Variants in FABP12 observed in about 807,000 individuals in gnomAD.
FABP12 encodes fatty acid-binding protein 12.
FABP12 carries 19 observed loss-of-function variants against 13.7 expected under a neutral mutation model. The ratio of observed to expected loss-of-function variants is 1.39; its 90% CI spans 0.97 to 2.04. FABP12 has a LOEUF of 2.04. FABP12 is among the 30% of genes most tolerant of loss of function. The pLI is 0.00. For synonymous variants in FABP12, 61 were observed against 57.0 expected (o/e 1.07, Z -0.32); for missense variants, 182 against 164.2 (o/e 1.11, Z -0.59).
intron 1 of FABP12, among the ~76,000 whole-genome samples, chr8:81,576,452 G>A (rs1233623670): frequency 6.6e-6 from 1 of 151,696 alleles, no homozygotes; most frequent in Non-Finnish European, 1.5e-5. Flanking sequence ...AAATTTCGAG[G>A]GCCTTGAGTA....
At chr8:81,525,885 C>A (rs143701551) in intron 4 of FABP12, 169 of 152,222 alleles carry the variant, frequency 1.1e-3, no homozygotes, top group African/African-American at 3.7e-3. Context: ...TCTCAGAAAA[C>A]CTTTGGCAAA....
chr8:81,547,989 A>G (rs1486463349), intron 1 of FABP12, among the ~76,000 whole-genome samples: 2 of 152,206 alleles, frequency 1.3e-5, no homozygotes, highest in Non-Finnish European at 2.9e-5. Flanking sequence ...TCAATCAAAT[A>G]TTTGACCTAC....
chr8:81,589,716 A>G (rs1559950), intron 1 of FABP12, among the ~76,000 whole-genome samples: 144,902 of 152,254 alleles, frequency 0.95, 69,003 homozygotes, highest in East Asian at 1. Context: ...GGAGCAAAGC[A>G]TCTCTCTCTC....
In FABP12 at chr8:81,540,754, T is replaced by C. The variant is rs183323796; in HGVS notation, c.-184-1011A>G. Among the ~76,000 whole-genome samples the C allele has an allele frequency of 4.7e-4, 72 of 152,326 alleles. 2 individuals are homozygous for C. The highest frequency in any genetic ancestry group is 3.7e-3 in the South Asian group (18 of 4,832). On this transcript the variant is annotated intron_variant, in intron 1 of 5. Transcript: ENST00000692030. ...CTAGTATTGTAGCAATGTTCATTTA[T>C]TGGTTTTGAAAAATATACACGTTAG...
chr8:81,580,586 A>C (rs1810141146), intron 1 of FABP12, among the ~76,000 whole-genome samples: 1 of 152,166 alleles, frequency 6.6e-6, no homozygotes, highest in Admixed American at 6.5e-5. Context: ...AAGAACTAGC[A>C]TCTAGTCTTC....
At chr8:81,581,419 A>T (rs1212364832) in intron 1 of FABP12, among the ~76,000 whole-genome samples, 1 of 152,184 alleles carries the variant, frequency 6.6e-6, no homozygotes, top group Non-Finnish European at 1.5e-5. Flanking sequence ...TCCTGGGGGG[A>T]TAAAGCTCAG....
intron 1 of FABP12, among the ~76,000 whole-genome samples, chr8:81,551,136 T>C (rs28395251): frequency 0.11 from 16,747 of 152,214 alleles, 1,110 homozygotes; most frequent in East Asian, 0.26. Flanking sequence ...ATTTGTCTTA[T>C]GGGCTACAGA....
At chr8:81,532,422 A>T (rs772027931) in intron 1 of FABP12, among the ~76,000 whole-genome samples, 1 of 152,254 alleles carries the variant, frequency 6.6e-6, no homozygotes, top group Non-Finnish European at 1.5e-5. Flanking sequence ...AGTCTTACTG[A>T]TAATTATTCA....
intron 4 of FABP12, chr8:81,526,422 A>C (rs1312707729): frequency 1.3e-5 from 2 of 152,372 alleles, no homozygotes; most frequent in African/African-American, 4.8e-5. Flanking sequence ...TGCTCCTCCC[A>C]GTACCATCAC....
chr8:81,536,363 A>C (rs1293576247), upstream of FABP12, among the ~76,000 whole-genome samples: 1 of 152,218 alleles, frequency 6.6e-6, no homozygotes, highest in Non-Finnish European at 1.5e-5. Context: ...AGATCTCATA[A>C]CTTTCCTACA....
chr8:81,552,525 G>T (rs1434172642), intron 1 of FABP12, among the ~76,000 whole-genome samples: 1 of 152,152 alleles, frequency 6.6e-6, no homozygotes, highest in East Asian at 1.9e-4. Context: ...TTGGAGGCAG[G>T]ATGAAAGGAG....
At chr8:81,546,565 A>G (rs1296217990) in intron 1 of FABP12, among the ~76,000 whole-genome samples, 1 of 151,840 alleles carries the variant, frequency 6.6e-6, no homozygotes, top group Non-Finnish European at 1.5e-5. Context: ...CGGAAGGCTG[A>G]GGCAGGAGAA....
In FABP12 at chr8:81,561,285, T is replaced by C. The variant is rs376774699; in HGVS notation, c.-184-21542A>G. ...TTCATAAATGGGAAAATAATCTATA[T>C]AATAGATTGGTCCAAGCTTAAGTTT... is the stretch of plus-strand genomic sequence containing the variant. On this transcript the variant is annotated intron_variant, in intron 1 of 5. Coordinates refer to the FABP12 transcript ENST00000692030. Among the ~76,000 whole-genome samples, 182 of 152,316 alleles carry C rather than the reference T, an allele frequency of 1.2e-3. 1 individual carries two copies. The Middle Eastern group carries it at 0.048, about 40-fold the overall frequency.
intron 1 of FABP12, among the ~76,000 whole-genome samples, chr8:81,565,504 G>T (rs537770091): frequency 6.6e-6 from 1 of 151,840 alleles, no homozygotes; most frequent in African/African-American, 2.4e-5. Flanking sequence ...GACCACAATG[G>T]AATAAATAAC....
intron 1 of FABP12, among the ~76,000 whole-genome samples, chr8:81,561,482 T>C (rs1809722908): frequency 6.6e-6 from 1 of 152,188 alleles, no homozygotes; most frequent in African/African-American, 2.4e-5. Context: ...ATTGAACAAC[T>C]ATCCACACAT....
At chr8:81,529,666 T>A (rs939379508) in intron 2 of FABP12, 56 bp from the exon 3 acceptor site, 2 of 1,390,310 alleles carry the variant, frequency 1.4e-6, no homozygotes, top group African/African-American at 2.9e-5. Context: ...ACAAATACAT[T>A]ACATTACAAT....
intron 1 of FABP12, among the ~76,000 whole-genome samples, chr8:81,565,097 A>C (rs1809793073): frequency 6.6e-6 from 1 of 152,120 alleles, no homozygotes; most frequent in African/African-American, 2.4e-5. Context: ...AAAGAAGATC[A>C]CTGTATAATG....
intron 1 of FABP12, among the ~76,000 whole-genome samples, chr8:81,586,696 GT>G (rs1460872686): frequency 6.6e-6 from 1 of 151,748 alleles, no homozygotes; most frequent in African/African-American, 2.4e-5. Flanking sequence ...GGGCTGTTTG[GT>G]TTTTGGTTGT....
In FABP12 at chr8:81,525,127, G is replaced by A; in HGVS notation, c.349-7C>T. ...CACTGTTCACAGTACTTTCCTACAA[G>A]ACAAAAGAAATATGAGGTATTTCAG... On this transcript the variant is annotated splice_polypyrimidine_tract_variant and splice_region_variant and intron_variant, in intron 4 of 4. Coordinates refer to ENST00000360464, the Ensembl canonical transcript of FABP12. The A allele has an allele frequency of 1.5e-5, 24 of 1,555,220 alleles. No individual in the cohort carries two copies. Among genetic ancestry groups the A allele is most frequent in the Non-Finnish European group, 2.0e-5 (23 of 1,139,376 alleles).
Sources: allele counts gnomAD v4.1 joint callset (sites outside exome capture counted in the v4.1 genomes callset), GRCh38; gene constraint gnomAD v4.1.1; transcripts MANE v1.5; gene names NCBI Gene and HGNC (gene_info 2026-07-23, HGNC 2026-07-21).